Variants in IFT172 observed in about 807,000 individuals in gnomAD.
IFT172 encodes the protein intraflagellar transport protein 172 homolog.
A neutral mutation model predicts 248.9 loss-of-function variants in IFT172; 164 were observed. The observed-to-expected ratio is 0.66, with a 90% confidence interval of 0.58 to 0.75. IFT172 has a LOEUF of 0.75. Among genes scored for constraint, IFT172 ranks in the 30% least tolerant of loss-of-function variants. The pLI is 0.00. For missense variants in IFT172, 1,950 were observed against 2,192.4 expected (o/e 0.89, Z 2.21); for synonymous variants, 729 against 791.6 (o/e 0.92, Z 1.33).
intron 19 of IFT172, 91 bp downstream of exon 19, chr2:27,463,006 G>T: frequency 6.9e-7 from 1 of 1,444,528 alleles, no homozygotes. Context: ...AGGAAACTGG[G>T]GATGGCTGGA....
intron 18 of IFT172, among the ~76,000 whole-genome samples, chr2:27,464,792 A>G (rs1212612027): frequency 6.6e-6 from 1 of 151,822 alleles, no homozygotes; most frequent in African/African-American, 2.4e-5. Context: ...TAATTTTTGT[A>G]TTTTTAGTAG....
chr2:27,453,756 G>T lies in IFT172; in HGVS notation c.3712-17C>A, dbSNP rs760418910. ...TCCAGCCTCCTGCTCAGATTTCCAG[G>T]TATCAAGAGGGCAGAGGCAGGCCTG... On this transcript the variant is annotated splice_polypyrimidine_tract_variant and intron_variant, in intron 33 of 47. Transcript: ENST00000260570. The T allele has an allele frequency of 1.2e-6, 2 of 1,605,016 alleles. No homozygotes were observed. The highest frequency in any genetic ancestry group is 1.7e-5 in the Admixed American group (1 of 58,938).
Position 27,456,541 on chromosome 2 carries a change from T to C in IFT172, c.3341A>G (p.Glu1114Gly). The C allele has an allele frequency of 6.2e-7, 1 of 1,614,042 alleles. No homozygotes were observed. The highest frequency in any genetic ancestry group is 8.5e-7 in the Non-Finnish European group (1 of 1,179,994). ...GTCTGCAGCGTGGTCAACAGCAGCT[T>C]CCAGGAGTCCCAGCTTATTAAGCAG... ...VRLLNKLGLL[E>G]AAVDHAADNC... The change falls in exon 30 of 48, where the codon GAA becomes GGA. Residue 1114 changes from glutamate to glycine, a missense_variant. This residue lies in a region of IFT172 where 164 missense variants were observed against 239.3 expected (regional missense o/e 0.69). Coordinates refer to ENST00000260570, the MANE Select transcript of IFT172 (RefSeq NM_015662.3).
intron 26 of IFT172, among the ~76,000 whole-genome samples, chr2:27,458,467 A>G (rs1666359108): frequency 6.6e-6 from 1 of 152,126 alleles, no homozygotes; most frequent in Admixed American, 6.5e-5. Flanking sequence ...TACCACGGTA[A>G]CCACTGGACT....
intron 7 of IFT172, 48 bp from the exon 8 acceptor site, chr2:27,481,308 G>A (rs780021043): frequency 1.9e-5 from 27 of 1,432,560 alleles, no homozygotes; most frequent in South Asian, 1.1e-4. Context: ...GACTCCACCC[G>A]AGAAATTCCT....
intron 14 of IFT172, among the ~76,000 whole-genome samples, chr2:27,473,010 C>A (rs1473822181): frequency 6.6e-6 from 1 of 152,092 alleles, no homozygotes; most frequent in East Asian, 1.9e-4. Context: ...AAGCTAAAGA[C>A]CAAATGTCCA....
Position 27,454,476 on chromosome 2 carries a change from G to A in IFT172, c.3466-58C>T, listed in dbSNP as rs1665988704. 3.1e-6 allele frequency: 5 copies of A among 1,612,846 alleles called. No homozygotes were observed. Among genetic ancestry groups the A allele is most frequent in the Non-Finnish European group, 4.2e-6 (5 of 1,178,872 alleles). On this transcript the variant is annotated intron_variant, in intron 31 of 47. Coordinates refer to ENST00000260570, the MANE Select transcript of IFT172 (RefSeq NM_015662.3). The surrounding 1 kb of genome is among the most constrained non-coding windows in gnomAD (Gnocchi z 4.2). ...AGAAGGAGACTGGCATCACAGGCAG[G>A]CATGAGACTGGGGGTCTGCACACCC...
intron 35 of IFT172, 52 bp downstream of exon 35, chr2:27,453,332 G>A: frequency 6.2e-7 from 1 of 1,609,816 alleles, no homozygotes; most frequent in Non-Finnish European, 8.5e-7. Flanking sequence ...AGAGCCAAGT[G>A]TGAATAGAGG....
intron 23 of IFT172, 72 bp from the exon 24 acceptor site, chr2:27,459,901 G>A: frequency 6.3e-7 from 1 of 1,583,820 alleles, no homozygotes; most frequent in Non-Finnish European, 8.6e-7. Context: ...AGGACAGGGA[G>A]ATGAAGCATG....
intron 42 of IFT172, 102 bp from the exon 43 acceptor site, chr2:27,446,457 T>C: frequency 1.0e-6 from 1 of 968,332 alleles, no homozygotes; most frequent in Non-Finnish European, 1.6e-6. Flanking sequence ...ACAACAATTA[T>C]TATTAAACTG....
intron 1 of IFT172, among the ~76,000 whole-genome samples, chr2:27,488,256 C>T (rs1026061361): frequency 3.9e-5 from 6 of 152,106 alleles, no homozygotes; most frequent in Non-Finnish European, 5.9e-5. Context: ...CGGGTTCAAG[C>T]GATTCTCCTT....
intron 35 of IFT172, chr2:27,453,089 T>C: frequency 2.2e-6 from 1 of 456,938 alleles, no homozygotes; most frequent in South Asian, 1.8e-5. Flanking sequence ...GATCTCACTG[T>C]TCTCTGAACT....
Position 27,483,539 on chromosome 2 carries a change from A to G in IFT172, c.482+41T>C, listed in dbSNP as rs183661214. On this transcript the variant is annotated intron_variant, in intron 6 of 47. Coordinates refer to ENST00000260570, the MANE Select transcript of IFT172 (RefSeq NM_015662.3). ...CCAGACTTCCCCACAGCATTTTCCT[A>G]ACACTTCCAGACTCTAGTGATACTA... is the stretch of plus-strand genomic sequence containing the variant. 1.5e-4 allele frequency: 236 copies of G among 1,600,684 alleles called. 1 individual carries two copies. In the East Asian group the frequency reaches 5.2e-3, roughly 36 times the overall value.
chr2:27,467,581 C>T (rs1667194988), intron 16 of IFT172, among the ~76,000 whole-genome samples: 1 of 134,250 alleles, frequency 7.4e-6, no homozygotes, highest in Non-Finnish European at 1.5e-5. Flanking sequence ...CACTGCACTC[C>T]AGCATGGCGC....
At position 27,450,007 on chromosome 2, in the gene IFT172, C is replaced by T. The variant is rs1665515981; in HGVS notation, c.4041G>A (p.Lys1347=). The T allele has an allele frequency of 6.2e-7, 1 of 1,613,156 alleles. No individual in the cohort carries two copies. The highest frequency in any genetic ancestry group is 1.3e-5 in the African/African-American group (1 of 74,910). The stretch of plus-strand genomic sequence containing the variant: ...TCAGCATCCTACTTACTGCACTGTG[C>T]TTTCCAATTCCAATCAGCTGGGGTC... The part of the protein sequence containing the change: ...AVGPQLIGIG[K]HSAAAELYLN... The change falls in exon 36 of 48, where the codon AAG becomes AAA. Residue 1347 remains lysine, a synonymous_variant. Coordinates refer to ENST00000260570, the MANE Select transcript of IFT172 (RefSeq NM_015662.3).
At chr2:27,470,315 AAG>A (rs1482219016) in intron 16 of IFT172, among the ~76,000 whole-genome samples, 5 of 151,344 alleles carry the variant, frequency 3.3e-5, no homozygotes, top group African/African-American at 1.2e-4. Flanking sequence ...GAAGGAGAGA[AAG>A]AGAAAGAAAA....
In IFT172 at chr2:27,444,996, C is replaced by T. The variant is rs750474739; in HGVS notation, c.5160+18G>A. On this transcript the variant is annotated intron_variant, in intron 47 of 47. Transcript: ENST00000260570. ...TGCTGCCCTCTCTGCCTTCATTCTC[C>T]AAGTCCTCCTCTCTAACCTTGATGG... 6.2e-7 allele frequency: 1 copy of T among 1,612,132 alleles called. No individual in the cohort carries two copies. The highest frequency in any genetic ancestry group is 2.2e-5 in the East Asian group (1 of 44,866).
At chr2:27,452,236 T>C (rs1572731121) in intron 35 of IFT172, among the ~76,000 whole-genome samples, 1 of 152,192 alleles carries the variant, frequency 6.6e-6, no homozygotes, top group East Asian at 1.9e-4. Context: ...GAATTCTTCC[T>C]GTTTGACTGC....
intron 33 of IFT172, 65 bp downstream of exon 33, chr2:27,453,917 G>A: frequency 1.3e-6 from 2 of 1,516,634 alleles, no homozygotes; most frequent in Non-Finnish European, 1.8e-6. Context: ...AGGGGTCAGT[G>A]TGGCTCTCTG....
Sources: gnomAD v4.1 joint callset for allele counts (sites outside exome capture counted in the v4.1 genomes callset) on GRCh38, gnomAD v4.1.1 for gene constraint, gnomAD v4.1.1 regional missense constraint, Gnocchi (gnomAD v3.1) non-coding constraint, MANE v1.5 for transcripts, NCBI Gene and HGNC (gene_info 2026-07-23, HGNC 2026-07-21) for gene names.